Variants in FRYL observed in about 807,000 individuals in gnomAD.
FRYL encodes protein furry homolog-like.
Under a neutral mutation model 351.2 loss-of-function variants are expected in FRYL, and 150 were observed. That is an observed-to-expected ratio of 0.43 (90% CI 0.37 to 0.49). The LOEUF (loss-of-function observed/expected upper bound fraction) is 0.49. Ranked by LOEUF, FRYL falls within the 20% of genes least tolerant of loss-of-function variation. The pLI is 0.00. For missense variants in FRYL, 3,036 were observed against 3,619.3 expected, an observed-to-expected ratio of 0.84 and a Z score of 4.13; for synonymous variants, 1,153 against 1,257.1, an observed-to-expected ratio of 0.92 and a Z score of 1.75.
At chr4:48,575,939 A>T in intron 24 of FRYL, 91 bp downstream of exon 24, 3 of 1,033,988 alleles carry the variant, frequency 2.9e-6, no homozygotes, top group Non-Finnish European at 4.1e-6. Context: ...CAACTGAGTT[A>T]CTTTATTGTC....
rs199892196 is a variant in FRYL, at chr4:48,656,726, G to A, written c.-80-22236C>T. On this transcript the variant is annotated intron_variant, in intron 3 of 63. Transcript: ENST00000358350. ...ATATATAAAATGTATATATATGACT[G>A]ACTATATATATATATATTTATTTAT... 9.8e-4 allele frequency among the ~76,000 whole-genome samples: 21 copies of A among 21,386 alleles called. 1 individual carries two copies. The highest frequency in any genetic ancestry group is 4.5e-3 in the Admixed American group (4 of 892). 14.0% of individuals were successfully genotyped at this position (21,386 alleles called of 152,430 possible). A position where few individuals can be genotyped will look rare whatever the true frequency, so the allele number is the denominator to read the frequency against.
intron 13 of FRYL, among the ~76,000 whole-genome samples, chr4:48,598,200 G>T (rs1244540099): frequency 6.6e-6 from 1 of 151,972 alleles, no homozygotes; most frequent in Non-Finnish European, 1.5e-5. Context: ...CCCTCTCTCT[G>T]AAAAAATTAA....
chr4:48,642,500 T>C (rs1755540561), intron 3 of FRYL, among the ~76,000 whole-genome samples: 1 of 152,130 alleles, frequency 6.6e-6, no homozygotes, highest in African/African-American at 2.4e-5. Flanking sequence ...TTGCTTCTGG[T>C]TCCATTTCGA....
rs369523810 is a variant in FRYL at position 48,729,078 on chromosome 4, C to T, written c.-383-18380G>A. 1.4e-3 allele frequency among the ~76,000 whole-genome samples: 215 copies of T among 152,384 alleles called. 1 individual carries two copies. Among genetic ancestry groups the T allele is most frequent in the African/African-American group, 4.6e-3 (191 of 41,598 alleles). On this transcript the variant is annotated intron_variant, in intron 1 of 63. Coordinates refer to ENST00000358350, the MANE Select transcript of FRYL (RefSeq NM_015030.2). ...CAGACCAGGAGATCCCCTCCCGTGC[C>T]TGGCTCAGCAGGTCCCATGCCCACG...
chr4:48,548,523 C>T (rs1731940221), intron 40 of FRYL, among the ~76,000 whole-genome samples, 167 bp downstream of exon 40: 1 of 151,830 alleles, frequency 6.6e-6, no homozygotes, highest in African/African-American at 2.4e-5. Context: ...AGAAGAGGGG[C>T]CAGACATAAC....
chr4:48,760,129 A>C lies in FRYL; in HGVS notation c.-384+19949T>G, dbSNP rs191352201. ...GAAGTACAACAGAACCAAGATTCAG[A>C]GACTCCACCCTTCATCAGTCTATTT... On this transcript the variant is annotated intron_variant, in intron 1 of 63. Transcript: ENST00000358350. Among the ~76,000 whole-genome samples, 3 of 152,096 alleles carry C rather than the reference A, an allele frequency of 2.0e-5. No homozygotes were observed. The East Asian group carries it at 5.8e-4, about 29-fold the overall frequency.
intron 1 of FRYL, among the ~76,000 whole-genome samples, chr4:48,737,517 G>C (rs1390610783): frequency 1.3e-5 from 2 of 152,094 alleles, no homozygotes; most frequent in East Asian, 3.9e-4. Context: ...ACCAGGTCCA[G>C]ACACATTCAC....
intron 1 of FRYL, among the ~76,000 whole-genome samples, chr4:48,715,338 T>A (rs1368082804): frequency 2.0e-5 from 3 of 152,188 alleles, no homozygotes; most frequent in Admixed American, 6.5e-5. Context: ...AAATTGTCCC[T>A]GTTTGCAGAT....
chr4:48,602,349 T>C (rs1745886302), intron 12 of FRYL, among the ~76,000 whole-genome samples: 1 of 152,178 alleles, frequency 6.6e-6, no homozygotes, highest in Admixed American at 6.5e-5. Context: ...TGAGTTAGAA[T>C]ATGCTATTAG....
chr4:48,518,675 G>C (rs535378979), intron 55 of FRYL, among the ~76,000 whole-genome samples: 3 of 152,162 alleles, frequency 2.0e-5, no homozygotes, highest in Admixed American at 2.0e-4. Context: ...AGATATATCA[G>C]GGCCTTTTAA....
chr4:48,779,253 G>A (rs1261605807), intron 1 of FRYL, among the ~76,000 whole-genome samples: 1 of 152,220 alleles, frequency 6.6e-6, no homozygotes, highest in Non-Finnish European at 1.5e-5. Flanking sequence ...TTGCAAAGAA[G>A]AGCTCAGCGC....
chr4:48,526,769 A>G (rs1455125939), intron 53 of FRYL, among the ~76,000 whole-genome samples: 1 of 152,152 alleles, frequency 6.6e-6, no homozygotes, highest in East Asian at 1.9e-4. Flanking sequence ...TTTAAATTCC[A>G]TTTAGAAAGC....
intron 1 of FRYL, among the ~76,000 whole-genome samples, chr4:48,715,385 GC>G (rs1315123385): frequency 1.3e-5 from 2 of 152,302 alleles, no homozygotes; most frequent in Admixed American, 6.5e-5. Context: ...CATCGTCTCA[GC>G]CCAAAATCTC....
intron 1 of FRYL, among the ~76,000 whole-genome samples, chr4:48,750,910 A>T (rs1306260632): frequency 6.6e-6 from 1 of 152,094 alleles, no homozygotes; most frequent in African/African-American, 2.4e-5. Context: ...AGGAAACCAG[A>T]CTCCCAGCAG....
chr4:48,551,347 G>T, intron 37 of FRYL, 147 bp downstream of exon 37: 1 of 518,392 alleles, frequency 1.9e-6, no homozygotes, highest in Non-Finnish European at 3.3e-6. Context: ...CTCTCAATGT[G>T]GAAAGTTTCC....
rs1352495760 is a variant in FRYL, at chr4:48,598,156, C to T, written c.1036-2156G>A. On this transcript the variant is annotated intron_variant, in intron 13 of 63. Transcript: ENST00000358350. ...TGCATGCCTGTAGTCTCAGCTTGAA[C>T]TCAGGAGTTGGAGTCTAGCCTGGGC... is the stretch of plus-strand genomic sequence containing the variant. 3.3e-5 allele frequency among the ~76,000 whole-genome samples: 5 copies of T among 152,106 alleles called. No individual in the cohort carries two copies. In the South Asian group the frequency reaches 1.0e-3, roughly 32 times the overall value.
intron 60 of FRYL, 143 bp downstream of exon 60, chr4:48,505,390 CATTGAGCTTTTACA>C (rs1720680105): frequency 1.6e-6 from 1 of 610,526 alleles, no homozygotes; most frequent in East Asian, 3.1e-5. Context: ...ACCAGTATTT[CATTGAGCTTTTACA>C]AAGATTGTTT....
At chr4:48,737,459 A>G (rs922972871) in intron 1 of FRYL, among the ~76,000 whole-genome samples, 27 of 152,192 alleles carry the variant, frequency 1.8e-4, no homozygotes, top group African/African-American at 6.3e-4. Context: ...TAATTGGCCT[A>G]TATTATTAAA....
intron 55 of FRYL, among the ~76,000 whole-genome samples, chr4:48,520,233 C>T (rs1724614268): frequency 6.6e-6 from 1 of 152,142 alleles, no homozygotes. Flanking sequence ...AGATGGCTTG[C>T]TAATAAGGAA....
Sources: allele counts gnomAD v4.1 joint callset (sites outside exome capture counted in the v4.1 genomes callset), GRCh38; gene constraint gnomAD v4.1.1; transcripts MANE v1.5; gene names NCBI Gene and HGNC (gene_info 2026-07-23, HGNC 2026-07-21).